GPHN: variants seen among roughly 807,000 people sequenced by gnomAD.
GPHN encodes gephyrin.
GPHN carries 17 observed loss-of-function variants against 95.5 expected under a neutral mutation model. The observed-to-expected ratio is 0.18, with a 90% CI of 0.12 to 0.27. The LOEUF (loss-of-function observed/expected upper bound fraction) is 0.27. GPHN is among the 10% of genes least tolerant of loss of function. GPHN has a pLI of 1.00. For synonymous variants in GPHN, 320 were observed against 322.5 expected (o/e 0.99, Z 0.08); for missense variants, 660 against 978.1 (o/e 0.67, Z 4.34).
At chr14:67,477,144 C>A in the GPHN span, among the ~76,000 whole-genome samples, 1 of 143,736 alleles carries the variant, frequency 7.0e-6, no homozygotes. Context: ...CCAGCCTGGA[C>A]AACAAGAGCG....
At chr14:67,097,792 A>T (rs1256458217) in intron 12 of GPHN, among the ~76,000 whole-genome samples, 1 of 152,118 alleles carries the variant, frequency 6.6e-6, no homozygotes, top group African/African-American at 2.4e-5. Flanking sequence ...CAGTGGCTTT[A>T]AGAGTTTTAT....
At position 67,151,852 on chromosome 14, in the gene GPHN, C is replaced by A. The variant is rs566602434; in HGVS notation, c.1837-7563C>A. Among the ~76,000 whole-genome samples the A allele has an allele frequency of 5.3e-5, 8 of 152,192 alleles. No individual in the cohort carries two copies. The East Asian group carries it at 1.5e-3, about 29-fold the overall frequency. ...AGAGATGCTGTTTCACCATGTTGGC[C>A]AAGCTGGTCTCGAACTCCTGGCCTC... On this transcript the variant is annotated intron_variant, in intron 18 of 22. Transcript: ENST00000478722.
intron 2 of GPHN, among the ~76,000 whole-genome samples, chr14:66,698,141 A>T (rs1261332031): frequency 2.0e-5 from 3 of 152,216 alleles, no homozygotes; most frequent in Middle Eastern, 3.2e-3. Flanking sequence ...TTATACAGAA[A>T]ATATATGGAT....
chr14:66,710,380 G>A (rs1469807529), intron 2 of GPHN, among the ~76,000 whole-genome samples: 2 of 152,252 alleles, frequency 1.3e-5, no homozygotes, highest in East Asian at 3.9e-4. Flanking sequence ...TATATGAGCT[G>A]TGTTAAAGTG....
chr14:66,561,274 T>G (rs1007399755), intron 1 of GPHN, among the ~76,000 whole-genome samples: 1 of 152,128 alleles, frequency 6.6e-6, no homozygotes, highest in African/African-American at 2.4e-5. Flanking sequence ...GTAGGGAGGA[T>G]TCCCTCTTTT....
At chr14:67,125,540 G>T (rs2079249270) in intron 17 of GPHN, among the ~76,000 whole-genome samples, 1 of 152,202 alleles carries the variant, frequency 6.6e-6, no homozygotes, top group South Asian at 2.1e-4. Flanking sequence ...ACTTTGGGAG[G>T]CCAAGGCGGG....
the GPHN span, chr14:67,292,574 A>G: frequency 6.2e-7 from 1 of 1,613,674 alleles, no homozygotes; most frequent in Non-Finnish European, 8.5e-7. Flanking sequence ...TCTCAGAGCC[A>G]GGAGGATATT....
chr14:67,197,565 T>C, the GPHN span, among the ~76,000 whole-genome samples: 1 of 152,226 alleles, frequency 6.6e-6, no homozygotes, highest in South Asian at 2.1e-4. Context: ...GGACCAGTGT[T>C]GTGGAAGGCA....
At chr14:67,306,709 T>A in the GPHN span, among the ~76,000 whole-genome samples, 10 of 152,228 alleles carry the variant, frequency 6.6e-5, no homozygotes, top group East Asian at 1.9e-3. Flanking sequence ...TCAATTGCAA[T>A]ATATCTTGCC....
At chr14:66,556,772 A>G (rs1005106060) in intron 1 of GPHN, among the ~76,000 whole-genome samples, 7 of 152,096 alleles carry the variant, frequency 4.6e-5, no homozygotes, top group Non-Finnish European at 7.4e-5. Context: ...AGTACTTTAT[A>G]TTGACTTATT....
the GPHN span, among the ~76,000 whole-genome samples, chr14:67,607,091 A>C: frequency 1.3e-5 from 2 of 152,248 alleles, no homozygotes; most frequent in African/African-American, 4.8e-5. Flanking sequence ...CAAGATTCTC[A>C]GGTGATACTC....
chr14:67,333,179 T>C, the GPHN span: 1 of 382,978 alleles, frequency 2.6e-6, no homozygotes, highest in Non-Finnish European at 4.7e-6. Context: ...TCTTGCCTCA[T>C]TTTGGGATTC....
the GPHN span, among the ~76,000 whole-genome samples, chr14:67,673,448 T>C: frequency 6.6e-6 from 1 of 152,246 alleles, no homozygotes; most frequent in South Asian, 2.1e-4. Context: ...TTAATAGTTA[T>C]ATATTGTTTA....
chr14:67,635,317 C>T, the GPHN span, among the ~76,000 whole-genome samples: 1 of 152,190 alleles, frequency 6.6e-6, no homozygotes, highest in Admixed American at 6.5e-5. Context: ...CAGATCTCTG[C>T]ATTTTATTGG....
At chr14:67,302,616 C>G in the GPHN span, 17 of 1,334,670 alleles carry the variant, frequency 1.3e-5, no homozygotes, top group Non-Finnish European at 1.7e-5. Context: ...TTTTAGAAAG[C>G]TCTTATTAGA....
the GPHN span, chr14:67,717,717 A>G: frequency 0.45 from 68,314 of 152,122 alleles, 17,896 homozygotes; most frequent in Non-Finnish European, 0.61. Flanking sequence ...GGATGCTGGT[A>G]AAAATCCTCC....
the GPHN span, among the ~76,000 whole-genome samples, chr14:67,530,467 T>C: frequency 6.6e-6 from 1 of 152,196 alleles, no homozygotes; most frequent in Non-Finnish European, 1.5e-5. Context: ...ATTGACTCTG[T>C]AGGAATTTAT....
chr14:67,111,847 G>T lies in GPHN; in HGVS notation c.1414-14G>T. 1 of 1,605,802 alleles carries T rather than the reference G, an allele frequency of 6.2e-7. No homozygotes were observed. The highest frequency in any genetic ancestry group is 8.5e-7 in the Non-Finnish European group (1 of 1,172,540). On this transcript the variant is annotated splice_polypyrimidine_tract_variant and intron_variant, in intron 14 of 22. Coordinates refer to ENST00000478722, the MANE Select transcript of GPHN (RefSeq NM_020806.5). ...AAATTCTGTTTGAAATTACATGACCGGCTGTTATTATAGGGCACTGAAGAA... is the reference window on the plus strand; with the variant it reads ...AAATTCTGTTTGAAATTACATGACCTGCTGTTATTATAGGGCACTGAAGAA...
intron 8 of GPHN, among the ~76,000 whole-genome samples, chr14:66,952,555 AT>A (rs1466236759): frequency 1.3e-5 from 2 of 152,220 alleles, no homozygotes; most frequent in Middle Eastern, 3.2e-3. Flanking sequence ...TAGGAGTGGA[AT>A]TTGTTGTAAT....
Sources: gnomAD v4.1 joint callset for allele counts (sites outside exome capture counted in the v4.1 genomes callset) on GRCh38, gnomAD v4.1.1 for gene constraint, MANE v1.5 for transcripts, NCBI Gene and HGNC (gene_info 2026-07-23, HGNC 2026-07-21) for gene names.